The following CCDC69 variants were observed in gnomAD, a reference collection of about 807,000 sequenced individuals.
The protein encoded by CCDC69 is coiled-coil domain-containing protein 69.
CCDC69 carries 38 observed loss-of-function variants against 40.3 expected under a neutral mutation model. The ratio of observed to expected loss-of-function variants is 0.94; its 90% CI spans 0.73 to 1.24. The LOEUF is 1.24. CCDC69 is among the 50% of genes most tolerant of loss of function. The pLI is 0.00. For missense variants in CCDC69, 389 were observed against 357.9 expected, an observed-to-expected ratio of 1.09 and a Z score of -0.70; for synonymous variants, 141 against 138.9, an observed-to-expected ratio of 1.02 and a Z score of -0.11.
Position 151,194,281 on chromosome 5 carries a change from C to T in CCDC69, c.319+4716G>A, listed in dbSNP as rs116713497. Among the ~76,000 whole-genome samples the T allele has an allele frequency of 2.9e-3, 445 of 152,298 alleles. 1 individual carries two copies. The highest frequency in any genetic ancestry group is 0.01 in the African/African-American group (428 of 41,558). On this transcript the variant is annotated intron_variant, in intron 4 of 8. Transcript: ENST00000355417. ...TTAGAACAGCTCTATTCATAATTGC[C>T]TCAAATGTCCTGCAACAGTGAATGA...
intron 4 of CCDC69, among the ~76,000 whole-genome samples, chr5:151,188,777 A>G (rs1452442314): frequency 6.6e-6 from 1 of 152,188 alleles, no homozygotes; most frequent in Non-Finnish European, 1.5e-5. Context: ...TTTGCCTATC[A>G]AGACAGGTTC....
At chr5:151,198,771 C>A (rs74686477) in intron 4 of CCDC69, 5 of 434,952 alleles carry the variant, frequency 1.1e-5, no homozygotes, top group African/African-American at 6.0e-5. Context: ...AAAAAAATAC[C>A]TCTCAAATAA....
At chr5:151,198,195 A>G (rs1329436301) in intron 4 of CCDC69, among the ~76,000 whole-genome samples, 1 of 152,160 alleles carries the variant, frequency 6.6e-6, no homozygotes, top group Admixed American at 6.5e-5. Context: ...CAAACAACCT[A>G]TTAGGGAGGT....
chr5:151,219,955 G>C (rs1175482808), intron 1 of CCDC69, among the ~76,000 whole-genome samples: 1 of 151,942 alleles, frequency 6.6e-6, no homozygotes, highest in African/African-American at 2.4e-5. Flanking sequence ...TTCCTCATGA[G>C]TAGAAATCTG....
intron 4 of CCDC69, among the ~76,000 whole-genome samples, chr5:151,194,993 T>TA (rs1023242748): frequency 1.6e-4 from 23 of 148,168 alleles, no homozygotes; most frequent in African/African-American, 5.0e-4. Context: ...ATTTAAAAAA[T>TA]AAAAAAAAGA....
At chr5:151,197,818 G>C (rs1752721240) in intron 4 of CCDC69, among the ~76,000 whole-genome samples, 1 of 152,124 alleles carries the variant, frequency 6.6e-6, no homozygotes, top group Admixed American at 6.6e-5. Flanking sequence ...GAAAAATCTT[G>C]AAATTACCTA....
At chr5:151,201,424 T>C (rs564135142) in intron 3 of CCDC69, among the ~76,000 whole-genome samples, 158 bp downstream of exon 3, 1 of 152,114 alleles carries the variant, frequency 6.6e-6, no homozygotes, top group Non-Finnish European at 1.5e-5. Flanking sequence ...AGTGCCCTGA[T>C]AAAAATATGT....
At chr5:151,207,722 C>G (rs1319078517) in intron 1 of CCDC69, among the ~76,000 whole-genome samples, 1 of 152,176 alleles carries the variant, frequency 6.6e-6, no homozygotes, top group Non-Finnish European at 1.5e-5. Flanking sequence ...ACATTACACA[C>G]TCGCTCACAC....
At chr5:151,199,222 A>G in intron 3 of CCDC69, 138 bp from the exon 4 acceptor site, 2 of 719,646 alleles carry the variant, frequency 2.8e-6, no homozygotes, top group Non-Finnish European at 2.5e-6. Context: ...TGACACGCCC[A>G]GAAAGGACAC....
intron 1 of CCDC69, among the ~76,000 whole-genome samples, chr5:151,206,281 G>A (rs186676227): frequency 6.6e-6 from 1 of 152,296 alleles, no homozygotes; most frequent in East Asian, 1.9e-4. Context: ...GCCCTCCTTG[G>A]GGGCTACCAT....
At chr5:151,211,689 A>G (rs1431545909) in intron 1 of CCDC69, among the ~76,000 whole-genome samples, 3 of 151,704 alleles carry the variant, frequency 2.0e-5, no homozygotes, top group Non-Finnish European at 4.4e-5. Flanking sequence ...ACACCAGGCT[A>G]ATTTTTGTAT....
rs1027668547 is a variant in CCDC69 at position 151,206,919 on chromosome 5, C to G, written c.49-1444G>C. ...TGCTGGGATTACAGGTGTGAGCCAC[C>G]GCACTCGACCTTTTTTTACTTTTTG... On this transcript the variant is annotated intron_variant, in intron 1 of 8. Transcript: ENST00000355417. Among the ~76,000 whole-genome samples the G allele has an allele frequency of 1.0e-4, 15 of 146,246 alleles. 2 individuals are homozygous for G. The highest frequency in any genetic ancestry group is 7.5e-4 in the Admixed American group (11 of 14,590).
rs140728769 is a variant in CCDC69 at position 151,216,705 on chromosome 5, C to T, written c.48+7218G>A. On this transcript the variant is annotated intron_variant, in intron 1 of 8. Transcript: ENST00000355417. Reference sequence around the variant, plus strand: ...TGCAGGGATTACAGGCGTGAGCCACCACGCCTGGCCAATTCTTAGGATTTT... The same window carrying T: ...TGCAGGGATTACAGGCGTGAGCCACTACGCCTGGCCAATTCTTAGGATTTT... Among the ~76,000 whole-genome samples the T allele has an allele frequency of 3.0e-3, 455 of 152,264 alleles. 2 individuals carry two copies. The highest frequency in any genetic ancestry group is 0.011 in the African/African-American group (440 of 41,546).
intron 1 of CCDC69, among the ~76,000 whole-genome samples, chr5:151,220,215 C>T (rs1296362137): frequency 1.3e-5 from 2 of 152,172 alleles, no homozygotes; most frequent in Non-Finnish European, 2.9e-5. Flanking sequence ...TAAGTCTGTG[C>T]CTCCTTATCT....
chr5:151,199,042 C>T lies in CCDC69; in HGVS notation c.274G>A (p.Glu92Lys), dbSNP rs1215906947. Residue 92 changes from glutamate (E) to lysine (K), a missense_variant, in exon 4 of 9, where the codon GAG becomes AAG. Transcript: ENST00000355417. ...TTTCCTTCCAGGACCCTTTGCTGCT[C>T]ATCCAGTCTGTCTCGAAGCTCTAGC... Reference protein sequence around the residue: ...RELELRDRLDEQQRVLEGKNE... With the variant: ...RELELRDRLDKQQRVLEGKNE... 2 of 1,614,156 alleles carry T rather than the reference C, an allele frequency of 1.2e-6. No individual in the cohort carries two copies. Among genetic ancestry groups the T allele is most frequent in the Non-Finnish European group, 1.7e-6 (2 of 1,180,016 alleles).
At chr5:151,200,005 C>T (rs746566207) in intron 3 of CCDC69, among the ~76,000 whole-genome samples, 1 of 152,200 alleles carries the variant, frequency 6.6e-6, no homozygotes, top group Non-Finnish European at 1.5e-5. Flanking sequence ...GTACCCCTGG[C>T]AGTGCTGAGG....
chr5:151,181,361 C>G lies in CCDC69; in HGVS notation c.*2076G>C, dbSNP rs938080298. Reference sequence around the variant, plus strand: ...CCTCCCAAGCTGCTGGGACTACAGGCGCCCACCACCACGCCAAGCTAATTT... The same window carrying G: ...CCTCCCAAGCTGCTGGGACTACAGGGGCCCACCACCACGCCAAGCTAATTT... On this transcript the variant is annotated 3_prime_UTR_variant, in exon 9 of 9. Transcript: ENST00000355417. 6.6e-6 allele frequency: 1 copy of G among 152,342 alleles called. No homozygotes were observed. Among genetic ancestry groups the G allele is most frequent in the African/African-American group, 2.4e-5 (1 of 41,542 alleles). The allele number at this position is 152,342 out of a possible 1,614,324, so 9.4% of individuals were successfully genotyped here. A position where few individuals can be genotyped will look rare whatever the true frequency, so the allele number is the denominator to read the frequency against.
chr5:151,191,826 T>C (rs547166765), intron 4 of CCDC69, among the ~76,000 whole-genome samples: 2 of 152,190 alleles, frequency 1.3e-5, no homozygotes, highest in East Asian at 3.9e-4. Context: ...GACTCACACC[T>C]GTAATCCCAG....
chr5:151,192,104 A>C (rs1752621334), intron 4 of CCDC69, among the ~76,000 whole-genome samples: 1 of 146,494 alleles, frequency 6.8e-6, no homozygotes, highest in South Asian at 2.1e-4. Flanking sequence ...AAAAAAAAAA[A>C]AAGAATGAAA....
Sources: allele counts gnomAD v4.1 joint callset (sites outside exome capture counted in the v4.1 genomes callset), GRCh38; gene constraint gnomAD v4.1.1; transcripts MANE v1.5; gene names NCBI Gene and HGNC (gene_info 2026-07-23, HGNC 2026-07-21).